LUZP2: variants seen among roughly 807,000 people sequenced by gnomAD.
LUZP2 encodes leucine zipper protein 2.
Under a neutral mutation model 51.6 loss-of-function variants are expected in LUZP2, and 52 were observed. That is an observed-to-expected ratio of 1.01 (90% CI 0.81 to 1.27). LUZP2 has a LOEUF of 1.27. LUZP2 is among the 50% of genes most tolerant of loss of function. LUZP2 has a pLI of 0.00. For synonymous variants in LUZP2, 154 were observed against 137.3 expected, an observed-to-expected ratio of 1.12 and a Z score of -0.85; for missense variants, 436 against 395.4, an observed-to-expected ratio of 1.10 and a Z score of -0.87.
At chr11:24,707,760 T>C (rs886291224) in intron 1 of LUZP2, among the ~76,000 whole-genome samples, 2 of 152,198 alleles carry the variant, frequency 1.3e-5, no homozygotes, top group African/African-American at 2.4e-5. Flanking sequence ...GGTTGTTATA[T>C]ATAAAGTTTC....
At chr11:24,953,529 GA>G (rs1349330686) in intron 7 of LUZP2, among the ~76,000 whole-genome samples, 8 of 151,900 alleles carry the variant, frequency 5.3e-5, no homozygotes, top group Non-Finnish European at 1.2e-4. Flanking sequence ...TTAACTGTCA[GA>G]AAAAGGAGAT....
chr11:24,665,987 A>G (rs1856199982), intron 1 of LUZP2, among the ~76,000 whole-genome samples: 1 of 152,160 alleles, frequency 6.6e-6, no homozygotes, highest in Admixed American at 6.5e-5. Flanking sequence ...AGTTATTTTT[A>G]GACAGATCTC....
At chr11:25,067,371 C>T (rs1186011152) in intron 10 of LUZP2, among the ~76,000 whole-genome samples, 2 of 151,992 alleles carry the variant, frequency 1.3e-5, no homozygotes, top group Non-Finnish European at 2.9e-5. Context: ...TGTGCAGAAG[C>T]TCTTTATTTT....
At chr11:24,560,921 T>C (rs1209223914) in intron 1 of LUZP2, among the ~76,000 whole-genome samples, 1 of 152,080 alleles carries the variant, frequency 6.6e-6, no homozygotes, top group African/African-American at 2.4e-5. Flanking sequence ...CATCTAAAAC[T>C]GGTAAGAGTA....
chr11:24,997,162 T>C (rs1280309942), intron 9 of LUZP2, among the ~76,000 whole-genome samples: 5 of 150,666 alleles, frequency 3.3e-5, no homozygotes, highest in Non-Finnish European at 7.4e-5. Flanking sequence ...TCAAATGGTA[T>C]TTCTAGTTCT....
At position 24,751,684 on chromosome 11, in the gene LUZP2, T is replaced by C. The variant is rs1279087469; in HGVS notation, c.334-11562T>C. ...ATCATTGGCCCTTTTCCTGTACCCA[T>C]TGCCACACAGAGCAATTGAAAATTA... On this transcript the variant is annotated intron_variant, in intron 4 of 11. Transcript: ENST00000336930. 8.6e-5 allele frequency: 35 copies of C among 404,804 alleles called. No homozygotes were observed. In the Admixed American group the frequency reaches 1.6e-3, roughly 18 times the overall value. The allele number at this position is 404,804 out of a possible 1,614,324, so 25.1% of individuals were successfully genotyped here.
intron 5 of LUZP2, among the ~76,000 whole-genome samples, chr11:24,840,524 G>A (rs1343899993): frequency 6.6e-6 from 1 of 151,840 alleles, no homozygotes; most frequent in African/African-American, 2.4e-5. Context: ...TTTCAGTCCT[G>A]TATGACCAAA....
chr11:24,739,591 C>T (rs562150856), intron 4 of LUZP2, among the ~76,000 whole-genome samples: 12 of 152,146 alleles, frequency 7.9e-5, no homozygotes, highest in South Asian at 6.2e-4. Flanking sequence ...AAGCTAAAAC[C>T]GTGGTGAAGC....
At chr11:24,785,941 A>G (rs2134084190) in intron 5 of LUZP2, 1 of 985,334 alleles carries the variant, frequency 1.0e-6, no homozygotes, top group East Asian at 1.1e-4. Context: ...GACTTCCTAC[A>G]AGCAGTCACC....
intron 9 of LUZP2, among the ~76,000 whole-genome samples, chr11:25,044,021 T>C (rs367590581): frequency 1.1e-4 from 1 of 9,052 alleles, no homozygotes; most frequent in African/African-American, 2.1e-4. Context: ...TATATATATC[T>C]GATATATATA....
At chr11:25,011,586 T>C (rs1856986083) in intron 9 of LUZP2, among the ~76,000 whole-genome samples, 1 of 152,194 alleles carries the variant, frequency 6.6e-6, no homozygotes, top group Non-Finnish European at 1.5e-5. Flanking sequence ...AATTTTTATA[T>C]TAAAACAAGA....
At chr11:25,046,361 AGAGC>A (rs1858308337) in intron 9 of LUZP2, among the ~76,000 whole-genome samples, 1 of 152,130 alleles carries the variant, frequency 6.6e-6, no homozygotes, top group African/African-American at 2.4e-5. Flanking sequence ...ATACTGTTGT[AGAGC>A]GGATGCATAA....
chr11:24,919,633 C>T (rs1337912346), intron 7 of LUZP2, among the ~76,000 whole-genome samples: 1 of 147,814 alleles, frequency 6.8e-6, no homozygotes, highest in Non-Finnish European at 1.5e-5. Flanking sequence ...CTTAACCTTT[C>T]ACTTATGTGT....
chr11:24,585,326 T>C (rs1298340208), intron 1 of LUZP2, among the ~76,000 whole-genome samples: 1 of 152,204 alleles, frequency 6.6e-6, no homozygotes, highest in Non-Finnish European at 1.5e-5. Flanking sequence ...AAACTGTATT[T>C]GACTGGACCT....
Position 24,859,125 on chromosome 11 carries a change from TAA to T in LUZP2, c.397-46865_397-46864del, listed in dbSNP as rs1363544858. 8.5e-5 allele frequency among the ~76,000 whole-genome samples: 13 copies of T among 152,310 alleles called. No homozygotes were observed. In the East Asian group the frequency reaches 2.3e-3, roughly 27 times the overall value. ...ATTAATAGAAGAAGATGACTTAATA[TAA>T]GTTATGTGACAATATAAGAATAGTA... On this transcript the variant is annotated intron_variant, in intron 5 of 11. Coordinates refer to ENST00000336930, the MANE Select transcript of LUZP2 (RefSeq NM_001009909.4).
chr11:24,571,361 G>A (rs978169729), intron 1 of LUZP2, among the ~76,000 whole-genome samples: 1 of 139,656 alleles, frequency 7.2e-6, no homozygotes, highest in Non-Finnish European at 1.6e-5. Flanking sequence ...TTTTCCTCTG[G>A]TGAATACATT....
At chr11:25,037,301 G>A (rs1035216115) in intron 9 of LUZP2, among the ~76,000 whole-genome samples, 4 of 151,934 alleles carry the variant, frequency 2.6e-5, no homozygotes, top group Non-Finnish European at 2.9e-5. Context: ...TTTCCCATTC[G>A]CTTGGTAGCT....
chr11:24,633,463 A>T (rs1225608141), intron 1 of LUZP2, among the ~76,000 whole-genome samples: 1 of 152,014 alleles, frequency 6.6e-6, no homozygotes, highest in East Asian at 1.9e-4. Context: ...CATGAAAATC[A>T]ATCAGAATCT....
At chr11:24,753,866 T>C (rs1859679701) in intron 4 of LUZP2, among the ~76,000 whole-genome samples, 1 of 152,130 alleles carries the variant, frequency 6.6e-6, no homozygotes, top group African/African-American at 2.4e-5. Flanking sequence ...ACGGATGGGT[T>C]TCTCATTGTA....
Sources: gnomAD v4.1 joint callset for allele counts (sites outside exome capture counted in the v4.1 genomes callset) on GRCh38, gnomAD v4.1.1 for gene constraint, MANE v1.5 for transcripts, NCBI Gene and HGNC (gene_info 2026-07-23, HGNC 2026-07-21) for gene names.